PPP1R12C: variants seen among roughly 807,000 people sequenced by gnomAD.
The protein encoded by PPP1R12C is protein phosphatase 1 regulatory subunit 12C, also known as leukocyte receptor cluster (LRC) encoded novel gene 3.
In PPP1R12C, 48 loss-of-function variants were observed where a neutral mutation model predicts 95.6. The ratio of observed to expected loss-of-function variants is 0.50; its 90% CI spans 0.40 to 0.64. PPP1R12C has a LOEUF of 0.64. Among genes scored for constraint, PPP1R12C ranks in the 30% least tolerant of loss-of-function variants. The probability of loss-of-function intolerance (pLI) is 0.00; values close to 1 mark genes in which losing one functional copy is unlikely to be tolerated. For missense variants in PPP1R12C, 1,057 were observed against 1,083.3 expected, an observed-to-expected ratio of 0.98 and a Z score of 0.34; for synonymous variants, 480 against 460.8, an observed-to-expected ratio of 1.04 and a Z score of -0.53.
chr19:55,092,053 C>G, intron 19 of PPP1R12C, 144 bp from the exon 20 acceptor site: 1 of 1,179,728 alleles, frequency 8.5e-7, no homozygotes, highest in Non-Finnish European at 1.2e-6. Flanking sequence ...CACCGGCAGG[C>G]CCACAGCCCC....
chr19:55,105,870 A>T (rs1455862979), intron 3 of PPP1R12C, among the ~76,000 whole-genome samples: 2 of 151,742 alleles, frequency 1.3e-5, no homozygotes, highest in African/African-American at 2.4e-5. Context: ...TGGGCCCACG[A>T]GGTCAAGGCT....
At position 55,092,327 on chromosome 19, in the gene PPP1R12C, C is replaced by T; in HGVS notation, c.2056-1G>A. 6.3e-7 allele frequency: 1 copy of T among 1,592,444 alleles called. No individual in the cohort carries two copies. The highest frequency in any genetic ancestry group is 8.6e-7 in the Non-Finnish European group (1 of 1,168,822). On this transcript the variant is annotated splice_acceptor_variant, in intron 18 of 21. Coordinates refer to ENST00000263433, the MANE Select transcript of PPP1R12C (RefSeq NM_017607.4). LOFTEE classifies it high-confidence loss of function. ...TCTCCCTGCGCAGCTCTGCATACAG[C>T]TGGGGGTCAGGTAGAGGAGGGTCAG... is the stretch of plus-strand genomic sequence containing the variant.
intron 1 of PPP1R12C, chr19:55,113,315 T>G: frequency 9.4e-7 from 1 of 1,064,210 alleles, no homozygotes. Context: ...CTATGCAGGG[T>G]GGAGGAAGGC....
chr19:55,107,206 G>C (rs573957344), intron 3 of PPP1R12C, among the ~76,000 whole-genome samples: 2 of 152,238 alleles, frequency 1.3e-5, no homozygotes, highest in African/African-American at 4.8e-5. Flanking sequence ...CTGAGGTCAG[G>C]AGTTCAAAAC....
chr19:55,103,088 G>A (rs1032029873), intron 4 of PPP1R12C, among the ~76,000 whole-genome samples: 21 of 152,194 alleles, frequency 1.4e-4, no homozygotes, highest in Admixed American at 5.9e-4. Context: ...CACTATTCAG[G>A]AGGCTGAGGT....
intron 4 of PPP1R12C, among the ~76,000 whole-genome samples, chr19:55,100,524 C>A (rs1337335332): frequency 1.3e-5 from 2 of 152,278 alleles, no homozygotes; most frequent in African/African-American, 4.8e-5. Context: ...CTGCCTGGCA[C>A]ACAGCAGGGG....
chr19:55,108,350 C>T lies in PPP1R12C; in HGVS notation c.571+4117G>A, dbSNP rs2085060711. Among the ~76,000 whole-genome samples the T allele has an allele frequency of 2.6e-5, 4 of 152,064 alleles. No homozygotes were observed. In the South Asian group the frequency reaches 8.3e-4, roughly 32 times the overall value. ...AAAATTAAAATCGTGTACCCTAGGT[C>T]AGGGACAATGGCTCACACCTGCAAT... On this transcript the variant is annotated intron_variant, in intron 3 of 21. Transcript: ENST00000263433.
intron 3 of PPP1R12C, among the ~76,000 whole-genome samples, chr19:55,107,667 A>G (rs1473767783): frequency 7.4e-6 from 1 of 135,186 alleles, no homozygotes; most frequent in African/African-American, 2.8e-5. Flanking sequence ...ACTTGGACAC[A>G]GGAAGGGGAA....
At chr19:55,098,925 T>C (rs1470302243) in intron 5 of PPP1R12C, 26 bp downstream of exon 5, 1 of 1,601,554 alleles carries the variant, frequency 6.2e-7, no homozygotes. Flanking sequence ...GCCCTGCCCC[T>C]CACCAGCCTG....
rs1359605181 is a variant in PPP1R12C at position 55,091,395 on chromosome 19, C to T, written c.*77G>A. 2 of 1,407,332 alleles carry T rather than the reference C, an allele frequency of 1.4e-6. No individual in the cohort carries two copies. The highest frequency in any genetic ancestry group is 1.4e-5 in the African/African-American group (1 of 70,406). The allele number at this position is 1,407,332 out of a possible 1,614,324, so 87.2% of individuals were successfully genotyped here. Reference sequence around the variant, plus strand: ...TGAGACTTCCCCCGGAGCCCTGTCACTCGTGTTCACACGGGGGAAGGGGTG... The same window carrying T: ...TGAGACTTCCCCCGGAGCCCTGTCATTCGTGTTCACACGGGGGAAGGGGTG... On this transcript the variant is annotated 3_prime_UTR_variant, in exon 22 of 22. Transcript: ENST00000263433.
rs2084830911 is a variant in PPP1R12C at position 55,090,935 on chromosome 19, T to C, written c.*537A>G. On this transcript the variant is annotated 3_prime_UTR_variant, in exon 22 of 22. Coordinates refer to ENST00000263433, the MANE Select transcript of PPP1R12C (RefSeq NM_017607.4). ...AGCTTGAGTGGCAACTTCACGACTT[T>C]TATTTGTGGTGCCTGTGCTTTATCT... The C allele has an allele frequency of 6.5e-6, 1 of 154,376 alleles. No homozygotes were observed. The highest frequency in any genetic ancestry group is 2.0e-4 in the South Asian group (1 of 4,932). The allele number at this position is 154,376 out of a possible 1,614,324, so 9.6% of individuals were successfully genotyped here. A position where few individuals can be genotyped will look rare whatever the true frequency, so the allele number is the denominator to read the frequency against.
intron 3 of PPP1R12C, among the ~76,000 whole-genome samples, chr19:55,106,315 G>A (rs2147202076): frequency 6.6e-6 from 1 of 152,342 alleles, no homozygotes; most frequent in Non-Finnish European, 1.5e-5. Context: ...ATCTGCCCAT[G>A]GTTGGGAAGG....
chr19:55,115,972 G>A (rs2085149102), intron 1 of PPP1R12C, among the ~76,000 whole-genome samples: 1 of 152,176 alleles, frequency 6.6e-6, no homozygotes, highest in Non-Finnish European at 1.5e-5. Flanking sequence ...CCATGACAGG[G>A]GGCTGGAAGA....
At chr19:55,103,285 C>T in intron 4 of PPP1R12C, 124 bp downstream of exon 4, 2 of 964,802 alleles carry the variant, frequency 2.1e-6, no homozygotes, top group Non-Finnish European at 2.8e-6. Flanking sequence ...CTTGTGGGTA[C>T]AGCTAAGGCT....
At chr19:55,105,511 AAAC>A (rs1159993481) in intron 3 of PPP1R12C, among the ~76,000 whole-genome samples, 1 of 152,196 alleles carries the variant, frequency 6.6e-6, no homozygotes, top group Non-Finnish European at 1.5e-5. Flanking sequence ...GTGGTAAAAT[AAAC>A]AACATAAAAT....
chr19:55,110,710 T>C (rs2085086146), intron 3 of PPP1R12C, among the ~76,000 whole-genome samples: 2 of 151,920 alleles, frequency 1.3e-5, no homozygotes, highest in African/African-American at 4.8e-5. Flanking sequence ...CCATCTCTAT[T>C]AAAAATGCAA....
In PPP1R12C at chr19:55,095,786, C is replaced by T. The variant is rs2084904236; in HGVS notation, c.1227+81G>A. 3.2e-6 allele frequency: 5 copies of T among 1,556,622 alleles called. No homozygotes were observed. In the South Asian group the frequency reaches 3.3e-5, roughly 10 times the overall value. The stretch of plus-strand genomic sequence containing the variant: ...ACTATAGTCTTCCCCCTATCTGCCC[C>T]TGCCAGAGGTTCACAGGCTGTATGG... On this transcript the variant is annotated intron_variant, in intron 9 of 21. Coordinates refer to ENST00000263433, the MANE Select transcript of PPP1R12C (RefSeq NM_017607.4).
At position 55,112,562 on chromosome 19, in the gene PPP1R12C, T is replaced by G. The variant is rs929133017; in HGVS notation, c.476A>C (p.Asn159Thr). 2 of 1,613,134 alleles carry G rather than the reference T, an allele frequency of 1.2e-6. No individual in the cohort carries two copies. Among genetic ancestry groups the G allele is most frequent in the African/African-American group, 2.7e-5 (2 of 74,866 alleles). ...IARYLLSHGANIAAVNSDGDL... is the reference protein window; with the variant it reads ...IARYLLSHGATIAAVNSDGDL... ...CCCGTCACTGTTGACGGCGGCGATG[T>G]TGGCCCCGTGGCTCAGGAGGTACCT... The change falls in exon 3 of 22, where the codon AAC becomes ACC. Residue 159 changes from asparagine to threonine, a missense_variant. Physicochemically the swap from Asn to Thr is moderately conservative, Grantham distance 65. Transcript: ENST00000263433.
At chr19:55,099,428 G>A (rs2084957890) in intron 4 of PPP1R12C, among the ~76,000 whole-genome samples, 1 of 152,210 alleles carries the variant, frequency 6.6e-6, no homozygotes, top group African/African-American at 2.4e-5. Flanking sequence ...GAGGATGCAA[G>A]TGCAGGACCC....
Sources: gnomAD v4.1 joint callset for allele counts (sites outside exome capture counted in the v4.1 genomes callset) on GRCh38, gnomAD v4.1.1 for gene constraint, MANE v1.5 for transcripts, NCBI Gene and HGNC (gene_info 2026-07-23, HGNC 2026-07-21) for gene names.